The following ZNF410 variants were observed in gnomAD, a reference collection of about 807,000 sequenced individuals.
The protein encoded by ZNF410 is zinc finger protein 410.
In ZNF410, 18 loss-of-function variants were observed where a neutral mutation model predicts 54.8. The ratio of observed to expected loss-of-function variants is 0.33; its 90% CI spans 0.23 to 0.49. The LOEUF is 0.49. Ranked by LOEUF, ZNF410 falls within the 20% of genes least tolerant of loss-of-function variation. The probability of loss-of-function intolerance (pLI) is 0.99; values close to 1 mark genes in which losing one functional copy is unlikely to be tolerated. For synonymous variants in ZNF410, 191 were observed against 207.3 expected (o/e 0.92, Z 0.68); for missense variants, 405 against 569.6 (o/e 0.71, Z 2.94).
chr14:73,900,495 T>A (rs2055388881), intron 5 of ZNF410, among the ~76,000 whole-genome samples: 1 of 151,492 alleles, frequency 6.6e-6, no homozygotes, highest in Non-Finnish European at 1.5e-5. Context: ...TGCCTCAGCC[T>A]CCCGAGTAGC....
intron 1 of ZNF410, among the ~76,000 whole-genome samples, chr14:73,891,385 G>T (rs1326559153): frequency 6.6e-6 from 1 of 152,032 alleles, no homozygotes; most frequent in East Asian, 1.9e-4. Flanking sequence ...ATAGAGTCTT[G>T]CTCTGTCGCC....
At chr14:73,925,099 G>C (rs1014722350) in intron 11 of ZNF410, among the ~76,000 whole-genome samples, 2 of 152,038 alleles carry the variant, frequency 1.3e-5, no homozygotes, top group African/African-American at 2.4e-5. Flanking sequence ...AGGATTACAG[G>C]GTTCTGGGCA....
At chr14:73,887,021 A>G (rs1347009609) in intron 1 of ZNF410, 106 bp downstream of exon 1, 1 of 152,446 alleles carries the variant, frequency 6.6e-6, no homozygotes, top group African/African-American at 2.4e-5. Context: ...TCGCCCCGAG[A>G]GAGGAAACCG....
Position 73,889,431 on chromosome 14 carries a change from C to CAAAAAAAA in ZNF410, c.-150+2531_-150+2538dup, listed in dbSNP as rs11330316. Reference sequence around the variant, plus strand: ...TGCGTGACAGAGCGAGACTCAGTCTCAAAAAAAAAAAAAAAAAAAAAAGAA... The same window carrying CAAAAAAAA: ...TGCGTGACAGAGCGAGACTCAGTCTCAAAAAAAAAAAAAAAAAAAAAAAAAAAAAAGAA... On this transcript the variant is annotated intron_variant, in intron 1 of 11. Transcript: ENST00000555044. Among the ~76,000 whole-genome samples, 13 of 84,964 alleles carry CAAAAAAAA rather than the reference C, an allele frequency of 1.5e-4. No homozygotes were observed. In the East Asian group the frequency reaches 1.8e-3, roughly 12 times the overall value. 55.7% of individuals were successfully genotyped at this position (84,964 alleles called of 152,430 possible).
At chr14:73,889,431 C>CAAAAAAAAAAAAAAAAAAAAAAAAAA (rs11330316) in intron 1 of ZNF410, among the ~76,000 whole-genome samples, 1 of 84,980 alleles carries the variant, frequency 1.2e-5, no homozygotes, top group Non-Finnish European at 2.5e-5. Flanking sequence ...GACTCAGTCT[C>CAAAAAAAAAAAAAAAAAAAAAAAAAA]AAAAAAAAAA....
At chr14:73,928,161 A>G (rs1428900441) in intron 11 of ZNF410, among the ~76,000 whole-genome samples, 1 of 152,124 alleles carries the variant, frequency 6.6e-6, no homozygotes, top group Non-Finnish European at 1.5e-5. Context: ...TTTTAAGTGT[A>G]GTACGTTCCA....
chr14:73,920,701 T>C (rs2140322783), intron 8 of ZNF410: 1 of 299,280 alleles, frequency 3.3e-6, no homozygotes. Flanking sequence ...TTTTTGTGGT[T>C]GCCATGGTCC....
At chr14:73,897,550 C>T (rs1013261771) in intron 4 of ZNF410, among the ~76,000 whole-genome samples, 2 of 152,120 alleles carry the variant, frequency 1.3e-5, no homozygotes, top group African/African-American at 4.8e-5. Flanking sequence ...AGAAAGACAG[C>T]TTTGCCTTGA....
chr14:73,896,576 A>C (rs2055321193), intron 4 of ZNF410, 42 bp downstream of exon 4: 1 of 1,506,276 alleles, frequency 6.6e-7, no homozygotes. Flanking sequence ...TGCCTAAGAA[A>C]AAAATTAGGG....
At chr14:73,909,674 G>A in intron 8 of ZNF410, 2 of 386,754 alleles carry the variant, frequency 5.2e-6, no homozygotes, top group Middle Eastern at 7.5e-4. Context: ...GAAGAGATCA[G>A]CAAATTTGTT....
intron 9 of ZNF410, among the ~76,000 whole-genome samples, 190 bp from the exon 10 acceptor site, chr14:73,921,876 T>G (rs1409643401): frequency 6.6e-6 from 1 of 152,188 alleles, no homozygotes; most frequent in Non-Finnish European, 1.5e-5. Flanking sequence ...AGGATCATTA[T>G]CTTCTAAGGC....
At chr14:73,930,876 C>T (rs1450971437) in intron 11 of ZNF410, among the ~76,000 whole-genome samples, 4 of 152,204 alleles carry the variant, frequency 2.6e-5, no homozygotes, top group African/African-American at 9.6e-5. Context: ...GCTGGGATTA[C>T]AGATGTGAGC....
rs141883434 is a variant in ZNF410, at chr14:73,900,056, G to A, written c.580+1794G>A. On this transcript the variant is annotated intron_variant, in intron 5 of 11. Coordinates refer to ENST00000555044, the MANE Select transcript of ZNF410 (RefSeq NM_021188.3). ...ACTAAAAATACAAAATTAGCTGGGCGTGGTGGCGCATGCATGTAATCCCAG... is the reference window on the plus strand; with the variant it reads ...ACTAAAAATACAAAATTAGCTGGGCATGGTGGCGCATGCATGTAATCCCAG... 2.9e-3 allele frequency among the ~76,000 whole-genome samples: 445 copies of A among 151,632 alleles called. 1 individual carries two copies. The highest frequency in any genetic ancestry group is 1.0e-2 in the African/African-American group (412 of 41,378).
At chr14:73,911,691 TTTATC>T (rs1317586134) in intron 8 of ZNF410, among the ~76,000 whole-genome samples, 2 of 152,204 alleles carry the variant, frequency 1.3e-5, no homozygotes, top group Non-Finnish European at 2.9e-5. Flanking sequence ...TTTCCTTGGT[TTTATC>T]TTATAACCAA....
chr14:73,912,594 C>T (rs1233064366), intron 8 of ZNF410, among the ~76,000 whole-genome samples: 1 of 152,180 alleles, frequency 6.6e-6, no homozygotes, highest in Non-Finnish European at 1.5e-5. Context: ...CTGTACTGTG[C>T]GACTCTTTAG....
At chr14:73,931,406 C>T in intron 11 of ZNF410, 97 bp from the exon 12 acceptor site, 1 of 1,045,378 alleles carries the variant, frequency 9.6e-7, no homozygotes, top group Non-Finnish European at 1.4e-6. Context: ...CCCTGTAGTG[C>T]ATTCTCCATC....
chr14:73,901,673 G>A (rs552456849), intron 5 of ZNF410, among the ~76,000 whole-genome samples: 52 of 151,716 alleles, frequency 3.4e-4, no homozygotes, highest in Middle Eastern at 7.0e-3. Flanking sequence ...GCTCATGCCT[G>A]TAATCCCAGC....
Position 73,931,410 on chromosome 14 carries a change from C to T in ZNF410, c.1399-93C>T. 4.4e-6 allele frequency: 5 copies of T among 1,130,166 alleles called. No homozygotes were observed. The South Asian group carries it at 6.7e-5, about 15-fold the overall frequency. 70.0% of individuals were successfully genotyped at this position (1,130,166 alleles called of 1,614,324 possible). A position where few individuals can be genotyped will look rare whatever the true frequency, so the allele number is the denominator to read the frequency against. ...CCTTCATTCACCCCTGTAGTGCATT[C>T]TCCATCCTCCACTCTTAATACTTTT... On this transcript the variant is annotated intron_variant, in intron 11 of 11. Coordinates refer to ENST00000555044, the MANE Select transcript of ZNF410 (RefSeq NM_021188.3).
intron 11 of ZNF410, among the ~76,000 whole-genome samples, chr14:73,930,762 T>C (rs557091417): frequency 1.3e-5 from 2 of 152,172 alleles, no homozygotes; most frequent in East Asian, 3.9e-4. Context: ...ACCACCATGC[T>C]TAATTTTTAA....
Sources: allele counts gnomAD v4.1 joint callset (sites outside exome capture counted in the v4.1 genomes callset), GRCh38; gene constraint gnomAD v4.1.1; transcripts MANE v1.5; gene names NCBI Gene and HGNC (gene_info 2026-07-23, HGNC 2026-07-21).